CUX1: variants seen among roughly 807,000 people sequenced by gnomAD.
CUX1 encodes the protein cut like homeobox 1.
In CUX1, 31 loss-of-function variants were observed where a neutral mutation model predicts 158.8. The observed-to-expected ratio is 0.20, with a 90% confidence interval of 0.15 to 0.26. CUX1 has a LOEUF of 0.26. Ranked by LOEUF, CUX1 falls within the 10% of genes least tolerant of loss-of-function variation. The pLI is 1.00. For missense variants in CUX1, 1,589 were observed against 2,014.6 expected, an observed-to-expected ratio of 0.79 and a Z score of 4.04; for synonymous variants, 879 against 862.1, an observed-to-expected ratio of 1.02 and a Z score of -0.34.
chr7:101,934,516 C>T (rs1476282823), intron 2 of CUX1, among the ~76,000 whole-genome samples: 1 of 152,178 alleles, frequency 6.6e-6, no homozygotes, highest in Non-Finnish European at 1.5e-5. Flanking sequence ...TGGCAATGTT[C>T]AGGGTTTCAC....
At chr7:101,863,811 C>T (rs1421169222) in intron 1 of CUX1, among the ~76,000 whole-genome samples, 1 of 152,228 alleles carries the variant, frequency 6.6e-6, no homozygotes, top group Non-Finnish European at 1.5e-5. Context: ...TATTGTCTTT[C>T]TGTGACTGGC....
chr7:102,116,556 G>A (rs1831455140), intron 8 of CUX1, among the ~76,000 whole-genome samples: 1 of 152,084 alleles, frequency 6.6e-6, no homozygotes, highest in East Asian at 1.9e-4. Flanking sequence ...GAGGTGGGAG[G>A]ATCACGTGAA....
intron 23 of CUX1, among the ~76,000 whole-genome samples, chr7:102,243,688 A>C (rs1554535826): frequency 6.9e-6 from 1 of 144,668 alleles, no homozygotes; most frequent in Non-Finnish European, 1.5e-5. Context: ...AAAATAAATG[A>C]AGGAGAAGTG....
chr7:102,134,296 C>A (rs1833653359), intron 8 of CUX1, among the ~76,000 whole-genome samples: 1 of 152,134 alleles, frequency 6.6e-6, no homozygotes, highest in South Asian at 2.1e-4. Context: ...GAGATTGCAC[C>A]ACTGCACTTC....
At chr7:102,235,701 CAAAAA>C (rs781946936) in intron 22 of CUX1, among the ~76,000 whole-genome samples, 1 of 88,672 alleles carries the variant, frequency 1.1e-5, no homozygotes, top group African/African-American at 4.4e-5. Context: ...GACCCCATCT[CAAAAA>C]AAAAAAAAAA....
chr7:102,021,459 C>T (rs1819330948), intron 2 of CUX1, among the ~76,000 whole-genome samples: 2 of 152,194 alleles, frequency 1.3e-5, no homozygotes, highest in East Asian at 3.9e-4. Context: ...AAGCCTGCAC[C>T]ACCATACTCA....
chr7:101,922,700 C>T (rs1805094819), intron 2 of CUX1, among the ~76,000 whole-genome samples: 1 of 152,148 alleles, frequency 6.6e-6, no homozygotes, highest in African/African-American at 2.4e-5. Flanking sequence ...GGGTGGGTGA[C>T]AGATGAGTAC....
chr7:102,168,908 C>CTTTTT (rs1563341626), intron 9 of CUX1, among the ~76,000 whole-genome samples: 3 of 121,984 alleles, frequency 2.5e-5, no homozygotes, highest in Admixed American at 8.5e-5. Flanking sequence ...CTTTTCTTTT[C>CTTTTT]TTTTATTTTC....
At position 102,254,443 on chromosome 7, in the gene CUX1, C is replaced by T. The variant is rs782533476; in HGVS notation, c.*5401C>T. ...GATAGATGGCTTCCTCCAGCCTACA[C>T]GCCCCGTCCACAGTGGCATCACCCT... On this transcript the variant is annotated 3_prime_UTR_variant, in exon 24 of 24. Coordinates refer to ENST00000292535, the MANE Select transcript of CUX1 (RefSeq NM_181552.4). The T allele has an allele frequency of 2.1e-5, 21 of 985,386 alleles. No homozygotes were observed. Among genetic ancestry groups the T allele is most frequent in the South Asian group, 1.4e-4 (3 of 21,294 alleles). The allele number at this position is 985,386 out of a possible 1,614,324, so 61.0% of individuals were successfully genotyped here. A position where few individuals can be genotyped will look rare whatever the true frequency, so the allele number is the denominator to read the frequency against.
intron 2 of CUX1, among the ~76,000 whole-genome samples, chr7:101,989,739 T>C (rs561315744): frequency 6.6e-6 from 1 of 152,298 alleles, no homozygotes; most frequent in South Asian, 2.1e-4. Flanking sequence ...GCCACACACT[T>C]ATTTCCTGCT....
intron 3 of CUX1, among the ~76,000 whole-genome samples, chr7:102,050,349 C>G (rs1823341587): frequency 6.6e-6 from 1 of 152,194 alleles, no homozygotes. Flanking sequence ...ATAGGATCCT[C>G]TAGGTCCTTT....
At chr7:101,986,946 G>A (rs557170689) in intron 2 of CUX1, among the ~76,000 whole-genome samples, 1 of 152,202 alleles carries the variant, frequency 6.6e-6, no homozygotes, top group Admixed American at 6.5e-5. Flanking sequence ...GTGGGGATGT[G>A]GTCCTAGCCT....
In CUX1 at chr7:102,216,643, A is replaced by G. The variant is rs547629988; in HGVS notation, c.3131-10724A>G. Among the ~76,000 whole-genome samples the G allele has an allele frequency of 2.2e-3, 190 of 87,300 alleles. 8 individuals carry two copies. The East Asian group carries it at 0.054, about 25-fold the overall frequency. The allele number at this position is 87,300 out of a possible 152,430, so 57.3% of individuals were successfully genotyped here. ...CCCACACACACACCCCCACACACGC[A>G]CACACACACACTCTCCCACACACAC... On this transcript the variant is annotated intron_variant, in intron 20 of 23. Coordinates refer to ENST00000292535, the MANE Select transcript of CUX1 (RefSeq NM_181552.4).
At chr7:102,170,656 C>A in intron 10 of CUX1, 106 bp downstream of exon 10, 1 of 740,168 alleles carries the variant, frequency 1.4e-6, no homozygotes, top group East Asian at 2.8e-5. Context: ...TTGGGAATCA[C>A]GTTTTAACTA....
chr7:101,847,369 A>C (rs1483291678), intron 1 of CUX1, among the ~76,000 whole-genome samples: 2 of 152,168 alleles, frequency 1.3e-5, no homozygotes, highest in African/African-American at 4.8e-5. Context: ...GTTTGGCGGC[A>C]CCTGATCCCT....
At chr7:102,086,470 A>G (rs1377248363) in intron 4 of CUX1, among the ~76,000 whole-genome samples, 10 of 152,142 alleles carry the variant, frequency 6.6e-5, no homozygotes, top group Non-Finnish European at 1.3e-4. Context: ...TGTGTACTTA[A>G]AGAGAATGTG....
chr7:101,997,981 C>T (rs961972696), intron 2 of CUX1, among the ~76,000 whole-genome samples: 1 of 152,220 alleles, frequency 6.6e-6, no homozygotes, highest in African/African-American at 2.4e-5. Context: ...CACCAGAGAA[C>T]GAACTCCCCA....
rs1008643622 is a variant in CUX1, at chr7:102,191,107, C to T, written c.1076+1236C>T. 5.9e-5 allele frequency among the ~76,000 whole-genome samples: 9 copies of T among 152,236 alleles called. No individual in the cohort carries two copies. In the South Asian group the frequency reaches 1.0e-3, roughly 18 times the overall value. Reference sequence around the variant, plus strand: ...TCTGCTGGCCCTGGTAGTCCCTGTCCCCACCATGCTCTCCCCCTGAGCGGT... The same window carrying T: ...TCTGCTGGCCCTGGTAGTCCCTGTCTCCACCATGCTCTCCCCCTGAGCGGT... On this transcript the variant is annotated intron_variant, in intron 12 of 23. Transcript: ENST00000292535.
intron 2 of CUX1, among the ~76,000 whole-genome samples, chr7:101,930,584 C>T (rs1414601798): frequency 6.6e-6 from 1 of 152,110 alleles, no homozygotes; most frequent in East Asian, 1.9e-4. Flanking sequence ...ATGTGAGTGG[C>T]ATAAAAGTGA....
Sources: allele counts gnomAD v4.1 joint callset (sites outside exome capture counted in the v4.1 genomes callset), GRCh38; gene constraint gnomAD v4.1.1; transcripts MANE v1.5; gene names NCBI Gene and HGNC (gene_info 2026-07-23, HGNC 2026-07-21).